CTNNA2: variants seen among roughly 807,000 people sequenced by gnomAD.
CTNNA2 encodes catenin alpha 2.
CTNNA2 carries 42 observed loss-of-function variants against 101.0 expected under a neutral mutation model. The observed-to-expected ratio is 0.42, with a 90% CI of 0.32 to 0.54. The LOEUF (loss-of-function observed/expected upper bound fraction) is 0.54. Among genes scored for constraint, CTNNA2 ranks in the 20% least tolerant of loss-of-function variants. CTNNA2 has a pLI of 0.14. For missense variants in CTNNA2, 871 were observed against 1,223.1 expected (o/e 0.71, Z 4.29); for synonymous variants, 450 against 456.4 (o/e 0.99, Z 0.18).
intron 7 of CTNNA2, among the ~76,000 whole-genome samples, chr2:80,021,205 A>G (rs1694540491): frequency 6.6e-6 from 1 of 151,580 alleles, no homozygotes; most frequent in African/African-American, 2.4e-5. Context: ...TTTTTTGTAG[A>G]GACAAGGTTT....
At chr2:79,912,025 C>T (rs1471929082) in intron 7 of CTNNA2, among the ~76,000 whole-genome samples, 11 of 152,176 alleles carry the variant, frequency 7.2e-5, no homozygotes, top group Admixed American at 7.2e-4. Flanking sequence ...GTCTATCGTT[C>T]CTGGGCTGTT....
chr2:80,466,195 A>T (rs947348465), intron 9 of CTNNA2, among the ~76,000 whole-genome samples: 1 of 152,204 alleles, frequency 6.6e-6, no homozygotes, highest in African/African-American at 2.4e-5. Context: ...AGTAATAGAA[A>T]TCTGAATCCT....
intron 7 of CTNNA2, among the ~76,000 whole-genome samples, chr2:80,339,890 T>G (rs1672080607): frequency 6.6e-6 from 1 of 152,126 alleles, no homozygotes. Flanking sequence ...AGCAAGTAAC[T>G]CCTTTTGTGT....
chr2:80,171,265 G>A lies in CTNNA2; in HGVS notation c.1057-221946G>A, dbSNP rs78562286. On this transcript the variant is annotated intron_variant, in intron 7 of 18. Coordinates refer to ENST00000402739, the MANE Select transcript of CTNNA2 (RefSeq NM_001282597.3). ...GCATGTCCTTAAGGCTCATGCAATG[G>A]CCGGAAGCTGCTGTACAGCCCTGAC... Among the ~76,000 whole-genome samples, 1,118 of 152,296 alleles carry A rather than the reference G, an allele frequency of 7.3e-3. 5 individuals are homozygous for A. Among genetic ancestry groups the A allele is most frequent in the Non-Finnish European group, 0.013 (873 of 68,010 alleles).
intron 4 of CTNNA2, among the ~76,000 whole-genome samples, chr2:79,858,875 A>G (rs1304956411): frequency 6.6e-6 from 1 of 151,730 alleles, no homozygotes; most frequent in African/African-American, 2.4e-5. Flanking sequence ...CCCTGTTCTC[A>G]TCACAAACTT....
intron 3 of CTNNA2, among the ~76,000 whole-genome samples, chr2:79,802,531 C>T (rs1055880943): frequency 6.6e-6 from 1 of 152,164 alleles, no homozygotes; most frequent in Non-Finnish European, 1.5e-5. Flanking sequence ...AGTGACTGAA[C>T]TGCCTCTGGC....
intron 7 of CTNNA2, among the ~76,000 whole-genome samples, chr2:79,920,767 A>G (rs1170158439): frequency 6.6e-6 from 1 of 152,190 alleles, no homozygotes; most frequent in Admixed American, 6.5e-5. Flanking sequence ...GGCCACATCA[A>G]TTCTTTCAAG....
chr2:80,217,109 G>A lies in CTNNA2; in HGVS notation c.1057-176102G>A, dbSNP rs185660936. Among the ~76,000 whole-genome samples, 492 of 152,124 alleles carry A rather than the reference G, an allele frequency of 3.2e-3. 4 individuals carry two copies. The highest frequency in any genetic ancestry group is 0.011 in the African/African-American group (468 of 41,526). ...GGCCTCCCAAAATGCTGGGATTACA[G>A]GCATGAGCCACCGAGCCCAGCCTAT... On this transcript the variant is annotated intron_variant, in intron 7 of 18. Coordinates refer to ENST00000402739, the MANE Select transcript of CTNNA2 (RefSeq NM_001282597.3).
In CTNNA2 at chr2:80,647,993, A is replaced by G; in HGVS notation, c.*121A>G. The G allele has an allele frequency of 1.1e-6, 1 of 914,638 alleles. No homozygotes were observed. Among genetic ancestry groups the G allele is most frequent in the Non-Finnish European group, 1.6e-6 (1 of 618,424 alleles). 56.7% of individuals were successfully genotyped at this position (914,638 alleles called of 1,614,324 possible). A position where few individuals can be genotyped will look rare whatever the true frequency, so the allele number is the denominator to read the frequency against. The stretch of plus-strand genomic sequence containing the variant: ...CCTCTGGCATGGGGAAATTAAGGGA[A>G]CAGTGTCTGTTTGCATGTAAGATGA... On this transcript the variant is annotated 3_prime_UTR_variant, in exon 19 of 19. Coordinates refer to ENST00000402739, the MANE Select transcript of CTNNA2 (RefSeq NM_001282597.3).
intron 7 of CTNNA2, among the ~76,000 whole-genome samples, chr2:80,390,325 T>C (rs781265191): frequency 2.0e-5 from 3 of 152,264 alleles, no homozygotes; most frequent in Non-Finnish European, 2.9e-5. Flanking sequence ...TCTTGTGTTC[T>C]GGTCTATTCC....
At chr2:79,306,452 C>G (rs1421492207) in intron 2 of CTNNA2, among the ~76,000 whole-genome samples, 1 of 152,022 alleles carries the variant, frequency 6.6e-6, no homozygotes, top group African/African-American at 2.4e-5. Flanking sequence ...TGTTGTGTAC[C>G]ATAAATACAC....
intron 7 of CTNNA2, among the ~76,000 whole-genome samples, chr2:80,359,361 A>G (rs1204315768): frequency 6.6e-6 from 1 of 152,200 alleles, no homozygotes; most frequent in Non-Finnish European, 1.5e-5. Flanking sequence ...TATGCCGATG[A>G]TACACTGTCT....
At chr2:80,575,914 A>G (rs1432756211) in intron 13 of CTNNA2, among the ~76,000 whole-genome samples, 1 of 152,200 alleles carries the variant, frequency 6.6e-6, no homozygotes, top group Non-Finnish European at 1.5e-5. Context: ...GAGGAGAGAA[A>G]TGTACAGTAT....
chr2:79,528,013 C>T lies in CTNNA2; in HGVS notation c.-6+14806C>T, dbSNP rs538489808. ...GGAAAAAGTACTGATACACGTGAAA[C>T]GTGGATATCCTTGAAGACATTGTGT... is the stretch of plus-strand genomic sequence containing the variant. On this transcript the variant is annotated intron_variant, in intron 1 of 18. Coordinates refer to ENST00000402739, the MANE Select transcript of CTNNA2 (RefSeq NM_001282597.3). 5.3e-5 allele frequency among the ~76,000 whole-genome samples: 8 copies of T among 152,216 alleles called. 1 individual carries two copies. The East Asian group carries it at 1.5e-3, about 29-fold the overall frequency.
intron 3 of CTNNA2, among the ~76,000 whole-genome samples, chr2:79,827,507 TC>T (rs1678540477): frequency 6.6e-6 from 1 of 152,140 alleles, no homozygotes; most frequent in Non-Finnish European, 1.5e-5. Flanking sequence ...CTGAAGAACC[TC>T]TTGTTCAAGG....
intron 1 of CTNNA2, among the ~76,000 whole-genome samples, chr2:79,635,019 G>A (rs962572205): frequency 6.6e-6 from 1 of 151,646 alleles, no homozygotes; most frequent in Non-Finnish European, 1.5e-5. Context: ...TATGGCTGTG[G>A]GATAAAGAAG....
At chr2:80,306,442 TTCTTTCTTTCTC>T (rs1400365010) in intron 7 of CTNNA2, among the ~76,000 whole-genome samples, 1 of 143,936 alleles carries the variant, frequency 6.9e-6, no homozygotes, top group African/African-American at 2.7e-5. Flanking sequence ...CTTTCTTTCT[TTCTTTCTTTCTC>T]TCTCTCTCTT....
At chr2:80,276,067 G>A (rs1673877889) in intron 7 of CTNNA2, among the ~76,000 whole-genome samples, 1 of 152,090 alleles carries the variant, frequency 6.6e-6, no homozygotes, top group South Asian at 2.1e-4. Flanking sequence ...GCTACTCTAA[G>A]TGCATATATA....
At chr2:79,822,808 T>G (rs1249040432) in intron 3 of CTNNA2, among the ~76,000 whole-genome samples, 1 of 152,164 alleles carries the variant, frequency 6.6e-6, no homozygotes, top group Non-Finnish European at 1.5e-5. Context: ...GGAATCTCTC[T>G]GTACGCTTAA....
Sources: gnomAD v4.1 joint callset for allele counts (sites outside exome capture counted in the v4.1 genomes callset) on GRCh38, gnomAD v4.1.1 for gene constraint, MANE v1.5 for transcripts, NCBI Gene and HGNC (gene_info 2026-07-23, HGNC 2026-07-21) for gene names.